SKAP1: variants seen among roughly 807,000 people sequenced by gnomAD.
The protein encoded by SKAP1 is src kinase-associated phosphoprotein 1.
Under a neutral mutation model 58.5 loss-of-function variants are expected in SKAP1, and 44 were observed. That is an observed-to-expected ratio of 0.75 (90% confidence interval 0.59 to 0.97). The LOEUF (loss-of-function observed/expected upper bound fraction) is 0.97. Among genes scored for constraint, SKAP1 ranks in the 50% least tolerant of loss-of-function variants. The pLI is 0.00. For synonymous variants in SKAP1, 127 were observed against 149.7 expected, an observed-to-expected ratio of 0.85 and a Z score of 1.11; for missense variants, 390 against 435.2, an observed-to-expected ratio of 0.90 and a Z score of 0.92.
chr17:48,291,993 G>T (rs1333505439), intron 4 of SKAP1, among the ~76,000 whole-genome samples: 1 of 152,006 alleles, frequency 6.6e-6, no homozygotes, highest in South Asian at 2.1e-4. Flanking sequence ...TATAGCAATA[G>T]GGCAAGTATC....
chr17:48,266,126 C>T (rs963801131), intron 4 of SKAP1, among the ~76,000 whole-genome samples: 1 of 151,720 alleles, frequency 6.6e-6, no homozygotes, highest in Non-Finnish European at 1.5e-5. Flanking sequence ...AAACACACAC[C>T]CACACCTACA....
upstream of SKAP1, among the ~76,000 whole-genome samples, chr17:48,435,187 C>T (rs531135799): frequency 6.6e-6 from 1 of 151,948 alleles, no homozygotes; most frequent in South Asian, 2.1e-4. Context: ...TTTATCTTAT[C>T]TATCACTCCT....
At chr17:48,177,465 G>C (rs138492232) in intron 9 of SKAP1, among the ~76,000 whole-genome samples, 185 of 152,302 alleles carry the variant, frequency 1.2e-3, no homozygotes, top group African/African-American at 4.3e-3. Flanking sequence ...CAATCAGACA[G>C]AGAGGGCAAG....
chr17:48,357,127 A>G (rs1008912848), intron 3 of SKAP1, among the ~76,000 whole-genome samples: 14 of 152,212 alleles, frequency 9.2e-5, no homozygotes, highest in African/African-American at 3.4e-4. Flanking sequence ...CAATGCTATC[A>G]TGAACATCCT....
At position 48,396,684 on chromosome 17, in the gene SKAP1, C is replaced by T; in HGVS notation, c.148G>A (p.Ala50Thr). The change falls in exon 2 of 13, where the codon GCC becomes ACC. Residue 50 changes from alanine to threonine, a missense_variant. By Grantham distance (58) the Ala-to-Thr change is moderately conservative. Transcript: ENST00000336915. Reference protein sequence around the residue: ...HILRGFQQIKARYYWDFQPQG... With the variant: ...HILRGFQQIKTRYYWDFQPQG... ...ATGGAACCAGTTTATACAAACCTGG[C>T]TTTGATTTGCTGAAAGCCCCGTAGA... is the stretch of plus-strand genomic sequence containing the variant. The T allele has an allele frequency of 1.9e-6, 3 of 1,604,838 alleles. No homozygotes were observed. The highest frequency in any genetic ancestry group is 2.6e-6 in the Non-Finnish European group (3 of 1,172,574).
intron 9 of SKAP1, among the ~76,000 whole-genome samples, chr17:48,178,250 G>A (rs1014840763): frequency 5.9e-5 from 9 of 151,410 alleles, no homozygotes; most frequent in African/African-American, 1.2e-4. Flanking sequence ...ATCAGCCCCC[G>A]CCCCCCGACT....
chr17:48,260,688 A>T (rs752017272), intron 4 of SKAP1, among the ~76,000 whole-genome samples: 6 of 152,144 alleles, frequency 3.9e-5, no homozygotes, highest in African/African-American at 7.2e-5. Context: ...GTAAGATGGA[A>T]AAAAAGGAAG....
At chr17:48,439,314 G>C in the SKAP1 span, among the ~76,000 whole-genome samples, 1 of 152,164 alleles carries the variant, frequency 6.6e-6, no homozygotes, top group African/African-American at 2.4e-5. Flanking sequence ...ACATCACTGA[G>C]GCCATCCACT....
At chr17:48,174,321 C>T (rs2064258755) in intron 9 of SKAP1, among the ~76,000 whole-genome samples, 1 of 152,208 alleles carries the variant, frequency 6.6e-6, no homozygotes, top group Admixed American at 6.5e-5. Flanking sequence ...CATTGATGGG[C>T]TTGGCGCTAT....
At chr17:48,354,933 A>G (rs1222978779) in intron 3 of SKAP1, among the ~76,000 whole-genome samples, 1 of 152,224 alleles carries the variant, frequency 6.6e-6, no homozygotes, top group Non-Finnish European at 1.5e-5. Flanking sequence ...TAGAACATGA[A>G]AGTTTGTTAG....
At chr17:48,393,069 C>A (rs77288104) in intron 2 of SKAP1, among the ~76,000 whole-genome samples, 344 of 152,180 alleles carry the variant, frequency 2.3e-3, no homozygotes, top group Non-Finnish European at 3.8e-3. Context: ...CAGTGACCAT[C>A]GTAATAAAGC....
chr17:48,295,568 T>C (rs902919379), intron 4 of SKAP1: 1 of 151,908 alleles, frequency 6.6e-6, no homozygotes, highest in Non-Finnish European at 1.5e-5. Context: ...TTGCTGCAGA[T>C]CAGGAAATGT....
Position 48,184,840 on chromosome 17 carries a change from C to T in SKAP1, c.450G>A (p.Gln150=). Residue 150 remains glutamine (Q), a synonymous_variant, in exon 7 of 13, where the codon CAG becomes CAA. Transcript: ENST00000336915. ...FYYYANEKSK[Q]PKGTFLIKGY... The stretch of plus-strand genomic sequence containing the variant: ...CCTTAATGAGGAAGGTCCCTTTGGG[C>T]TGCTTGCCTGCAAGACAGGAAAGCT... 6.2e-7 allele frequency: 1 copy of T among 1,613,298 alleles called. No individual in the cohort carries two copies.
chr17:48,389,086 C>T (rs1435784565), intron 2 of SKAP1, among the ~76,000 whole-genome samples: 1 of 152,156 alleles, frequency 6.6e-6, no homozygotes, highest in African/African-American at 2.4e-5. Flanking sequence ...TTTTATAAAC[C>T]ACACTGTGAT....
chr17:48,207,068 T>C (rs979350327), intron 4 of SKAP1, among the ~76,000 whole-genome samples: 3 of 152,226 alleles, frequency 2.0e-5, no homozygotes, highest in Admixed American at 6.5e-5. Context: ...ATTTATATAA[T>C]GATGTCCATT....
At chr17:48,181,715 G>A (rs1412855224) in intron 8 of SKAP1, among the ~76,000 whole-genome samples, 1 of 152,166 alleles carries the variant, frequency 6.6e-6, no homozygotes, top group African/African-American at 2.4e-5. Context: ...CTGCCATGAT[G>A]GTAGGTGACA....
chr17:48,295,198 C>T (rs754022579), intron 4 of SKAP1, among the ~76,000 whole-genome samples: 3 of 152,132 alleles, frequency 2.0e-5, no homozygotes, highest in Non-Finnish European at 2.9e-5. Flanking sequence ...TGACTTCAAT[C>T]GGGCAAGATC....
intron 3 of SKAP1, among the ~76,000 whole-genome samples, chr17:48,351,494 C>T (rs59042469): frequency 0.093 from 14,062 of 151,740 alleles, 997 homozygotes; most frequent in African/African-American, 0.17. Flanking sequence ...TTTTTCCCCC[C>T]AAAGCCCTGG....
chr17:48,172,572 T>C (rs1455765332), intron 9 of SKAP1, among the ~76,000 whole-genome samples: 1 of 152,160 alleles, frequency 6.6e-6, no homozygotes, highest in Admixed American at 6.5e-5. Flanking sequence ...TATACACACA[T>C]ATGCACAGTA....
Sources: gnomAD v4.1 joint callset for allele counts (sites outside exome capture counted in the v4.1 genomes callset) on GRCh38, gnomAD v4.1.1 for gene constraint, MANE v1.5 for transcripts, NCBI Gene and HGNC (gene_info 2026-07-23, HGNC 2026-07-21) for gene names.